Variants in GSE1 observed in about 807,000 individuals in gnomAD.
GSE1 encodes the protein genetic suppressor element 1.
Under a neutral mutation model 112.6 loss-of-function variants are expected in GSE1, and 32 were observed. That is an observed-to-expected ratio of 0.28 (90% CI 0.21 to 0.38). GSE1 has a LOEUF of 0.38. Among genes scored for constraint, GSE1 ranks in the 10% least tolerant of loss-of-function variants. GSE1 has a pLI of 1.00. For missense variants in GSE1, 2,348 were observed against 1,699.2 expected (o/e 1.38, Z -6.71); for synonymous variants, 1,115 against 735.6 (o/e 1.52, Z -8.35).
chr16:85,478,615 T>C lies in GSE1; in HGVS notation c.2464+120972T>C, dbSNP rs993843871. 4.6e-5 allele frequency among the ~76,000 whole-genome samples: 7 copies of C among 152,216 alleles called. 1 individual carries two copies. The highest frequency in any genetic ancestry group is 6.8e-3 in the Middle Eastern group (2 of 294). Reference sequence around the variant, plus strand: ...TGGCCATGTGGGCTAGCTCTACCATTTGGGTATCAAGAATGATGCTGGCAT... The same window carrying C: ...TGGCCATGTGGGCTAGCTCTACCATCTGGGTATCAAGAATGATGCTGGCAT... On this transcript the variant is annotated intron_variant, in intron 2 of 2. Coordinates refer to the GSE1 transcript ENST00000637419.
intron 1 of GSE1, among the ~76,000 whole-genome samples, chr16:85,210,314 G>A (rs1027947553): frequency 7.9e-5 from 12 of 152,202 alleles, no homozygotes; most frequent in African/African-American, 2.9e-4. Flanking sequence ...AAATCCAAAT[G>A]TCCACAGTAA....
chr16:85,422,145 C>T (rs1028901575), intron 2 of GSE1, among the ~76,000 whole-genome samples: 1 of 152,144 alleles, frequency 6.6e-6, no homozygotes, highest in Non-Finnish European at 1.5e-5. Context: ...GGGTCATCCT[C>T]GCACCCCACC....
In GSE1 at chr16:85,309,844, G is replaced by A. The variant is rs566099252; in HGVS notation, c.2284-47619G>A. The stretch of plus-strand genomic sequence containing the variant: ...GACGCGGCCAAGAAACATCCATTGT[G>A]CCCGCAGCAGCTGATGTGGTTACAG... On this transcript the variant is annotated intron_variant, in intron 1 of 2. Coordinates refer to the GSE1 transcript ENST00000637419. Among the ~76,000 whole-genome samples, 6 of 152,376 alleles carry A rather than the reference G, an allele frequency of 3.9e-5. No homozygotes were observed. In the South Asian group the frequency reaches 1.2e-3, roughly 32 times the overall value.
intron 1 of GSE1, among the ~76,000 whole-genome samples, chr16:85,262,018 A>C (rs1907746318): frequency 6.6e-6 from 1 of 152,056 alleles, no homozygotes; most frequent in Admixed American, 6.5e-5. Flanking sequence ...CGAGCAGGTG[A>C]GGTGACTTGC....
upstream of GSE1, among the ~76,000 whole-genome samples, chr16:85,612,559 T>C (rs1219145531): frequency 6.7e-6 from 1 of 149,570 alleles, no homozygotes; most frequent in Non-Finnish European, 1.5e-5. Flanking sequence ...GCGGGTTCTT[T>C]AAAGAACACC....
At chr16:85,553,851 A>G (rs1466222147), upstream of GSE1, among the ~76,000 whole-genome samples, 2 of 152,174 alleles carry the variant, frequency 1.3e-5, no homozygotes, top group African/African-American at 4.8e-5. Context: ...CGGGAGTTCA[A>G]CTGTCATTTG....
At chr16:85,370,764 C>T (rs2047281389) in intron 2 of GSE1, among the ~76,000 whole-genome samples, 1 of 152,224 alleles carries the variant, frequency 6.6e-6, no homozygotes, top group South Asian at 2.1e-4. Flanking sequence ...TGCTGGATGA[C>T]TCTGCGAGCC....
chr16:85,569,136 C>G (rs183563042), intron 1 of GSE1, among the ~76,000 whole-genome samples: 1 of 152,180 alleles, frequency 6.6e-6, no homozygotes, highest in African/African-American at 2.4e-5. Context: ...CTTTTCTCCC[C>G]GACAGGGCCA....
chr16:85,280,413 T>G (rs926108421), intron 1 of GSE1, among the ~76,000 whole-genome samples: 3 of 152,220 alleles, frequency 2.0e-5, no homozygotes, highest in African/African-American at 7.2e-5. Flanking sequence ...ATTTATTTAC[T>G]GAGGCAGAGT....
At chr16:85,237,248 G>C (rs949014829) in intron 1 of GSE1, among the ~76,000 whole-genome samples, 9 of 151,888 alleles carry the variant, frequency 5.9e-5, no homozygotes, top group Admixed American at 4.6e-4. Flanking sequence ...ACTTGTACCC[G>C]GGAGCTGGAG....
chr16:85,609,294 A>C (rs2047857078), upstream of GSE1, among the ~76,000 whole-genome samples: 1 of 152,264 alleles, frequency 6.6e-6, no homozygotes, highest in African/African-American at 2.4e-5. Flanking sequence ...GCTGGAGTGC[A>C]GTGGCACAAT....
intron 2 of GSE1, among the ~76,000 whole-genome samples, chr16:85,518,960 C>A (rs930737452): frequency 6.6e-6 from 1 of 152,134 alleles, no homozygotes; most frequent in Non-Finnish European, 1.5e-5. Context: ...CAGGCAGGAC[C>A]ACATGGTGTT....
At chr16:85,208,430 C>T (rs575526875) in intron 1 of GSE1, among the ~76,000 whole-genome samples, 135 of 152,328 alleles carry the variant, frequency 8.9e-4, no homozygotes, top group African/African-American at 2.8e-3. Context: ...ATAGCAGCCA[C>T]GCCCTGGACC....
chr16:85,338,346 C>G (rs2046549532), intron 1 of GSE1, among the ~76,000 whole-genome samples: 1 of 152,264 alleles, frequency 6.6e-6, no homozygotes, highest in Non-Finnish European at 1.5e-5. Flanking sequence ...TTCCGGGCTG[C>G]TCTGAGTGGT....
chr16:85,644,768 C>T (rs944315345), intron 2 of GSE1, among the ~76,000 whole-genome samples: 8 of 151,912 alleles, frequency 5.3e-5, no homozygotes, highest in Admixed American at 2.0e-4. Context: ...CGTGGGGCCG[C>T]GCGCTGGGTG....
chr16:85,341,688 T>G lies in GSE1; in HGVS notation c.2284-15775T>G, dbSNP rs142590798. On this transcript the variant is annotated intron_variant, in intron 1 of 2. Coordinates refer to the GSE1 transcript ENST00000637419. The stretch of plus-strand genomic sequence containing the variant: ...AAAATAAATAAAAATTTTGTAGAGA[T>G]AGGATGTTGCTATGTTGCCCAGGCT... Among the ~76,000 whole-genome samples, 1,005 of 152,108 alleles carry G rather than the reference T, an allele frequency of 6.6e-3. 15 individuals carry two copies. The highest frequency in any genetic ancestry group is 0.023 in the African/African-American group (946 of 41,492).
At chr16:85,200,353 A>G (rs1027314418) in intron 1 of GSE1, among the ~76,000 whole-genome samples, 2 of 149,048 alleles carry the variant, frequency 1.3e-5, no homozygotes, top group African/African-American at 5.0e-5. Flanking sequence ...AGAATAATGA[A>G]TGTTTATGGA....
At chr16:85,238,477 C>T (rs1001405777) in intron 1 of GSE1, among the ~76,000 whole-genome samples, 4 of 152,184 alleles carry the variant, frequency 2.6e-5, no homozygotes, top group Admixed American at 6.5e-5. Flanking sequence ...GGCGGAATCC[C>T]GAGCCTGCGT....
chr16:85,191,878 G>A (rs1415000555), intron 1 of GSE1, among the ~76,000 whole-genome samples: 1 of 152,192 alleles, frequency 6.6e-6, no homozygotes, highest in Non-Finnish European at 1.5e-5. Context: ...GGGACGGTCT[G>A]GGGGCCTGAA....
Sources: gnomAD v4.1 joint callset for allele counts (sites outside exome capture counted in the v4.1 genomes callset) on GRCh38, gnomAD v4.1.1 for gene constraint, MANE v1.5 for transcripts, NCBI Gene and HGNC (gene_info 2026-07-23, HGNC 2026-07-21) for gene names.